Variants in AGMO observed in about 807,000 individuals in gnomAD.
The protein encoded by AGMO is glyceryl-ether monooxygenase.
A neutral mutation model predicts 60.2 loss-of-function variants in AGMO; 75 were observed. The ratio of observed to expected loss-of-function variants is 1.25; its 90% confidence interval spans 1.03 to 1.51. AGMO has a LOEUF of 1.51. AGMO is among the 40% of genes most tolerant of loss of function. AGMO has a pLI of 0.00. For synonymous variants in AGMO, 261 were observed against 177.1 expected (o/e 1.47, Z -3.76); for missense variants, 763 against 525.5 (o/e 1.45, Z -4.42).
chr7:15,221,548 T>C (rs1056647376), intron 12 of AGMO, among the ~76,000 whole-genome samples: 3 of 152,132 alleles, frequency 2.0e-5, no homozygotes, highest in South Asian at 4.1e-4. Flanking sequence ...GTACAGGGTT[T>C]TGGTTTCACA....
chr7:15,447,341 A>G (rs1268564376), intron 3 of AGMO, among the ~76,000 whole-genome samples: 1 of 152,182 alleles, frequency 6.6e-6, no homozygotes, highest in African/African-American at 2.4e-5. Context: ...TGTTCCAGCT[A>G]TACCTCCACC....
intron 2 of AGMO, among the ~76,000 whole-genome samples, chr7:15,545,403 AT>A (rs1784751412): frequency 6.6e-6 from 1 of 152,022 alleles, no homozygotes; most frequent in Non-Finnish European, 1.5e-5. Flanking sequence ...ATCCCATAAA[AT>A]TTGCCTTTAG....
intron 5 of AGMO, among the ~76,000 whole-genome samples, chr7:15,395,506 C>CATTGTCATTTTGTT (rs1203162953): frequency 6.6e-6 from 1 of 151,940 alleles, no homozygotes; most frequent in Non-Finnish European, 1.5e-5. Flanking sequence ...GTTATAATAA[C>CATTGTCATTTTGTT]ATTGTCATTT....
At chr7:15,525,334 C>A (rs12699730) in intron 3 of AGMO, among the ~76,000 whole-genome samples, 93,621 of 151,862 alleles carry the variant, frequency 0.62, 31,687 homozygotes, top group East Asian at 0.95. Context: ...ATTGAGAACC[C>A]TTCCTCCCAT....
intron 3 of AGMO, among the ~76,000 whole-genome samples, chr7:15,481,949 G>A (rs1489961250): frequency 1.3e-5 from 2 of 151,938 alleles, no homozygotes; most frequent in African/African-American, 4.8e-5. Context: ...CAATGTAGTT[G>A]TAAATAACTT....
the AGMO span, among the ~76,000 whole-genome samples, chr7:15,130,839 T>A: frequency 6.6e-6 from 1 of 152,156 alleles, no homozygotes; most frequent in Non-Finnish European, 1.5e-5. Flanking sequence ...AAGATATTTA[T>A]CAGGAGTGAG....
intron 3 of AGMO, among the ~76,000 whole-genome samples, chr7:15,512,325 G>A (rs933614748): frequency 6.6e-6 from 1 of 151,954 alleles, no homozygotes; most frequent in Non-Finnish European, 1.5e-5. Context: ...GCGCCAACAC[G>A]GCACCAACCT....
chr7:15,538,168 T>C (rs1354626593), intron 3 of AGMO, among the ~76,000 whole-genome samples: 1 of 152,090 alleles, frequency 6.6e-6, no homozygotes, highest in African/African-American at 2.4e-5. Context: ...AAAATGGTAG[T>C]AACTCAGGCA....
At chr7:15,492,932 C>A (rs1783107469) in intron 3 of AGMO, among the ~76,000 whole-genome samples, 2 of 152,062 alleles carry the variant, frequency 1.3e-5, no homozygotes, top group South Asian at 2.1e-4. Flanking sequence ...GAAGCCTTGA[C>A]GCCATCACTT....
chr7:15,383,081 G>C (rs1783759177), intron 10 of AGMO, among the ~76,000 whole-genome samples: 1 of 151,242 alleles, frequency 6.6e-6, no homozygotes, highest in Admixed American at 6.6e-5. Context: ...TCGTAGGCTG[G>C]GTACATAATC....
chr7:15,353,460 T>C (rs912881260), intron 12 of AGMO, among the ~76,000 whole-genome samples: 3 of 152,184 alleles, frequency 2.0e-5, no homozygotes, highest in Non-Finnish European at 4.4e-5. Flanking sequence ...TGCTCTTAGT[T>C]GATCTACTCT....
intron 12 of AGMO, among the ~76,000 whole-genome samples, chr7:15,362,029 T>C (rs1366341702): frequency 1.3e-5 from 2 of 152,126 alleles, no homozygotes; most frequent in East Asian, 3.9e-4. Context: ...ATGAAGAGAA[T>C]ATAGTGTCCT....
downstream of AGMO, among the ~76,000 whole-genome samples, chr7:15,199,434 G>C (rs899534496): frequency 4.6e-5 from 7 of 152,042 alleles, no homozygotes; most frequent in Admixed American, 4.6e-4. Flanking sequence ...CTCATTTTTA[G>C]GCTAATCCTA....
chr7:15,202,957 T>C (rs925744466), intron 12 of AGMO, among the ~76,000 whole-genome samples: 7 of 152,084 alleles, frequency 4.6e-5, no homozygotes, highest in Admixed American at 4.6e-4. Flanking sequence ...GAGACAGAGA[T>C]GATAAATCTA....
At chr7:15,440,068 T>G (rs1781507962) in intron 3 of AGMO, among the ~76,000 whole-genome samples, 1 of 152,200 alleles carries the variant, frequency 6.6e-6, no homozygotes, top group Admixed American at 6.5e-5. Flanking sequence ...GGGTTTCTGA[T>G]CTCACTGCAA....
At chr7:15,389,370 T>C (rs968396644) in intron 8 of AGMO, among the ~76,000 whole-genome samples, 3 of 152,216 alleles carry the variant, frequency 2.0e-5, no homozygotes, top group African/African-American at 7.2e-5. Flanking sequence ...GCTTTCAGTG[T>C]ACCATTTCTC....
chr7:15,374,683 A>G (rs1323498130), intron 10 of AGMO, among the ~76,000 whole-genome samples: 2 of 152,070 alleles, frequency 1.3e-5, no homozygotes, highest in Non-Finnish European at 2.9e-5. Context: ...ATAGGATACA[A>G]ATGACATGAT....
At chr7:15,120,896 C>T in the AGMO span, among the ~76,000 whole-genome samples, 13 of 151,958 alleles carry the variant, frequency 8.6e-5, no homozygotes, top group Non-Finnish European at 1.5e-4. Context: ...CAGTGATTTG[C>T]TGCACCTATC....
chr7:15,545,038 T>A (rs1024358248), intron 2 of AGMO, 115 bp from the exon 3 acceptor site: 3 of 720,204 alleles, frequency 4.2e-6, no homozygotes, highest in Non-Finnish European at 6.0e-6. Flanking sequence ...ATGAAACTCT[T>A]TCTTCTACTT....
Sources: allele counts gnomAD v4.1 joint callset (sites outside exome capture counted in the v4.1 genomes callset), GRCh38; gene constraint gnomAD v4.1.1; transcripts MANE v1.5; gene names NCBI Gene and HGNC (gene_info 2026-07-23, HGNC 2026-07-21).